Variants in SAFB2 observed in about 807,000 individuals in gnomAD.
The protein encoded by SAFB2 is scaffold attachment factor B2.
SAFB2 carries 32 observed loss-of-function variants against 100.6 expected under a neutral mutation model. That is an observed-to-expected ratio of 0.32 (90% CI 0.24 to 0.43). SAFB2 has a LOEUF of 0.43. Ranked by LOEUF, SAFB2 falls within the 20% of genes least tolerant of loss-of-function variation. The pLI, the probability that SAFB2 is intolerant of heterozygous loss-of-function variation, is 1.00. For synonymous variants in SAFB2, 500 were observed against 439.4 expected (o/e 1.14, Z -1.72); for missense variants, 1,185 against 1,163.4 (o/e 1.02, Z -0.27).
chr19:5,587,400 C>T lies in SAFB2; in HGVS notation c.2706-1G>A, dbSNP rs1194823961. The T allele has an allele frequency of 1.9e-6, 3 of 1,609,556 alleles. No individual in the cohort carries two copies. The highest frequency in any genetic ancestry group is 3.4e-5 in the Admixed American group (2 of 59,336). On this transcript the variant is annotated splice_acceptor_variant, in intron 20 of 20. Coordinates refer to ENST00000252542, the MANE Select transcript of SAFB2 (RefSeq NM_014649.3). LOFTEE classifies it high-confidence loss of function. The surrounding 1 kb of genome is among the most constrained non-coding windows in gnomAD (Gnocchi z 4.9). Reference sequence around the variant, plus strand: ...TCCACCTTGTGCAAAGCCGCCTCGCCTAGGAACAAAGTCAGACAATTTTTT... The same window carrying T: ...TCCACCTTGTGCAAAGCCGCCTCGCTTAGGAACAAAGTCAGACAATTTTTT...
rs2052365580 is a variant in SAFB2 at position 5,590,314 on chromosome 19, C to T, written c.2489G>A (p.Arg830Lys). Residue 830 changes from arginine to lysine, a missense_variant, in exon 18 of 21, where the codon AGG becomes AAG. Coordinates refer to ENST00000252542, the MANE Select transcript of SAFB2 (RefSeq NM_014649.3). ...GGGCAGCCCCCGGCCTTCACTCAGCCTCTTGTCGGAGCCGTAGCCCCCCCA... is the reference window on the plus strand; with the variant it reads ...GGGCAGCCCCCGGCCTTCACTCAGCTTCTTGTCGGAGCCGTAGCCCCCCCA... ...DGWGGYGSDK[R>K]LSEGRGLPPP... 6.2e-7 allele frequency: 1 copy of T among 1,608,080 alleles called. No individual in the cohort carries two copies. Among genetic ancestry groups the T allele is most frequent in the Non-Finnish European group, 8.5e-7 (1 of 1,178,082 alleles).
At position 5,601,796 on chromosome 19, in the gene SAFB2, G is replaced by A. The variant is rs188881142; in HGVS notation, c.1560-1536C>T. ...AACTTAGGGGGAATAAAAAGGGTCT[G>A]ACTCCTTTCACCTGCTGCACAAAAT... On this transcript the variant is annotated intron_variant, in intron 11 of 20. Coordinates refer to ENST00000252542, the MANE Select transcript of SAFB2 (RefSeq NM_014649.3). 2.3e-4 allele frequency among the ~76,000 whole-genome samples: 35 copies of A among 152,224 alleles called. No homozygotes were observed. The East Asian group carries it at 5.6e-3, about 24-fold the overall frequency.
Position 5,616,441 on chromosome 19 carries a change from TCTTCCAGGCCATTATCTTCTGTGC to T in SAFB2, c.296_319del (p.Gly99_Glu106del). 6.2e-7 allele frequency: 1 copy of T among 1,614,060 alleles called. No homozygotes were observed. The highest frequency in any genetic ancestry group is 8.5e-7 in the Non-Finnish European group (1 of 1,179,998). On this transcript the variant is annotated inframe_deletion, in exon 3 of 21. Transcript: ENST00000252542. Reference sequence around the variant, plus strand: ...ACTTACCTGCCCGTCTCTGGAATCGTCTTCCAGGCCATTATCTTCTGTGCCTTCCTCCTCCATCTTCAGTCCTAA... The same window carrying T: ...ACTTACCTGCCCGTCTCTGGAATCGTCTTCCTCCTCCATCTTCAGTCCTAA...
chr19:5,611,877 C>T (rs896815621), intron 6 of SAFB2: 5 of 650,398 alleles, frequency 7.7e-6, no homozygotes, highest in African/African-American at 5.5e-5. Flanking sequence ...CCTACAACCA[C>T]GCGGCTGGTT....
In SAFB2 at chr19:5,595,579, A is replaced by C. The variant is rs539510945; in HGVS notation, c.1783-82T>G. The C allele has an allele frequency of 6.0e-6, 9 of 1,505,322 alleles. No individual in the cohort carries two copies. The Admixed American group carries it at 7.3e-5, about 12-fold the overall frequency. 93.2% of individuals were successfully genotyped at this position (1,505,322 alleles called of 1,614,324 possible). Reference sequence around the variant, plus strand: ...TGGAGATTATGCACGTGTGCATGAGACTAAGATTCTCTGGCCCCACATGGT... The same window carrying C: ...TGGAGATTATGCACGTGTGCATGAGCCTAAGATTCTCTGGCCCCACATGGT... On this transcript the variant is annotated intron_variant, in intron 13 of 20. Transcript: ENST00000252542.
chr19:5,598,867 G>A lies in SAFB2; in HGVS notation c.1708C>T (p.Arg570Trp), dbSNP rs753643424. 8 of 1,613,844 alleles carry A rather than the reference G, an allele frequency of 5.0e-6. No homozygotes were observed. The highest frequency in any genetic ancestry group is 2.2e-5 in the East Asian group (1 of 44,884). ...VTKSGSRGME[R>W]TVVMDKSKGE... is the part of the protein sequence containing the mutation. ...TTCGATTTATCCATCACGACCGTCCGCTCCATTCCTCTGCTTCCTTCAGGA... is the reference window on the plus strand; with the variant it reads ...TTCGATTTATCCATCACGACCGTCCACTCCATTCCTCTGCTTCCTTCAGGA... The change falls in exon 13 of 21, where the codon CGG becomes TGG. Residue 570 changes from arginine (R) to tryptophan (W), a missense_variant. Arg to Trp is a moderately radical substitution (Grantham distance 101). This residue lies in a region of SAFB2 where 740 missense variants were observed against 687.1 expected (regional missense o/e 1.08). Transcript: ENST00000252542.
Position 5,593,922 on chromosome 19 carries a change from G to C in SAFB2, c.2176C>G (p.Arg726Gly). The part of the protein sequence containing the change: ...QEQLRYEQER[R>G]PGRRPYDLDR... ...AGGTCGTAGGGCCTCCGCCCGGGCC[G>C]CCGCTCCTGCTCGTAACGCAGCTGC... The change falls in exon 15 of 21, where the codon CGG becomes GGG. Residue 726 changes from arginine to glycine, a missense_variant. This residue lies in a region of SAFB2 where 740 missense variants were observed against 687.1 expected (regional missense o/e 1.08). Coordinates refer to ENST00000252542, the MANE Select transcript of SAFB2 (RefSeq NM_014649.3). 6.5e-7 allele frequency: 1 copy of C among 1,533,640 alleles called. No individual in the cohort carries two copies.
At chr19:5,620,213 A>G (rs996158217) in intron 2 of SAFB2, among the ~76,000 whole-genome samples, 13 of 152,212 alleles carry the variant, frequency 8.5e-5, no homozygotes, top group African/African-American at 2.9e-4. Flanking sequence ...CTTTCAAACT[A>G]CATGCACATG....
chr19:5,595,550 A>G, intron 13 of SAFB2, 53 bp from the exon 14 acceptor site: 4 of 1,600,920 alleles, frequency 2.5e-6, no homozygotes, highest in Non-Finnish European at 3.4e-6. Flanking sequence ...CAACAAACAA[A>G]CAATGGAGAT....
At chr19:5,618,021 G>A (rs1407071932) in intron 2 of SAFB2, among the ~76,000 whole-genome samples, 2 of 152,080 alleles carry the variant, frequency 1.3e-5, no homozygotes, top group Middle Eastern at 6.3e-3. Context: ...TTATGTACCT[G>A]TACTCTGAAT....
At chr19:5,594,624 A>G (rs1055188634) in intron 14 of SAFB2, among the ~76,000 whole-genome samples, 2 of 152,160 alleles carry the variant, frequency 1.3e-5, no homozygotes, top group African/African-American at 4.8e-5. Context: ...CAGGGAAGAC[A>G]GGCCTCAGCA....
rs1056542159 is a variant in SAFB2, at chr19:5,592,105, G to A, written c.2349-312C>T. Reference sequence around the variant, plus strand: ...ATCTTTGGTCTGACCCAATGCGTGGGACTCATCAAAATTCACACCAACTCC... The same window carrying A: ...ATCTTTGGTCTGACCCAATGCGTGGAACTCATCAAAATTCACACCAACTCC... On this transcript the variant is annotated intron_variant, in intron 16 of 20. Transcript: ENST00000252542. Among the ~76,000 whole-genome samples the A allele has an allele frequency of 5.3e-5, 8 of 152,198 alleles. No homozygotes were observed. In the South Asian group the frequency reaches 1.7e-3, roughly 32 times the overall value.
At chr19:5,598,452 C>G in intron 13 of SAFB2, 1 of 302,642 alleles carries the variant, frequency 3.3e-6, no homozygotes, top group Non-Finnish European at 6.4e-6. Context: ...AAGTAGCCTG[C>G]TATTAAGTCA....
Position 5,587,908 on chromosome 19 carries a change from C to T in SAFB2, c.2598G>A (p.Met866Ile). 1 of 1,612,768 alleles carries T rather than the reference C, an allele frequency of 6.2e-7. No individual in the cohort carries two copies. The highest frequency in any genetic ancestry group is 1.7e-5 in the Admixed American group (1 of 59,970). ...GCTCCCGGCTAGCCGCGCCTGCGTC[C>T]ATGGCACCCTGCCAGGCGCGTGCCT... The part of the protein sequence containing the change: ...EHQARAWQGA[M>I]DAGAASREHA... Residue 866 changes from methionine to isoleucine, a missense_variant, in exon 19 of 21, where the codon ATG (methionine) becomes ATA (isoleucine). Met to Ile is a conservative substitution (Grantham distance 10). Transcript: ENST00000252542. This position sits in a 1 kb window ranked among gnomAD's most constrained non-coding sequence, Gnocchi z 4.9.
intron 4 of SAFB2, 113 bp downstream of exon 4, chr19:5,616,016 AAGC>A (rs2053020461): frequency 6.6e-6 from 6 of 907,520 alleles, no homozygotes; most frequent in Non-Finnish European, 1.0e-5. Flanking sequence ...CAGGGTGTAG[AAGC>A]AGAACTGTGT....
At chr19:5,607,013 G>C (rs1237615734) in intron 9 of SAFB2, among the ~76,000 whole-genome samples, 1 of 152,182 alleles carries the variant, frequency 6.6e-6, no homozygotes, top group Non-Finnish European at 1.5e-5. Flanking sequence ...TGTAATCTCA[G>C]CACTTTGGGA....
chr19:5,621,223 C>A (rs1159577947), intron 2 of SAFB2, 86 bp downstream of exon 2: 1 of 889,958 alleles, frequency 1.1e-6, no homozygotes, highest in East Asian at 2.4e-5. Context: ...GAAATTCTCC[C>A]AGCCTAGAAG....
chr19:5,600,673 T>A (rs919970796), intron 11 of SAFB2, among the ~76,000 whole-genome samples: 1 of 152,192 alleles, frequency 6.6e-6, no homozygotes, highest in Non-Finnish European at 1.5e-5. Context: ...CAATACAGCC[T>A]CAACGGGATG....
chr19:5,613,416 A>C (rs1487001519), intron 5 of SAFB2, 49 bp downstream of exon 5: 1 of 1,499,140 alleles, frequency 6.7e-7, no homozygotes, highest in East Asian at 2.3e-5. Context: ...ATGGAAAATC[A>C]ACCACTCGAT....
Sources: allele counts gnomAD v4.1 joint callset (sites outside exome capture counted in the v4.1 genomes callset), GRCh38; gene constraint gnomAD v4.1.1; regional missense constraint gnomAD v4.1.1; non-coding constraint Gnocchi (gnomAD v3.1); transcripts MANE v1.5; gene names NCBI Gene and HGNC (gene_info 2026-07-23, HGNC 2026-07-21).